Variants in OLFML2B observed in about 807,000 individuals in gnomAD.
OLFML2B encodes olfactomedin-like protein 2B.
Under a neutral mutation model 74.9 loss-of-function variants are expected in OLFML2B, and 57 were observed. The observed-to-expected ratio is 0.76, with a 90% CI of 0.61 to 0.95. The LOEUF (loss-of-function observed/expected upper bound fraction) is 0.95. Ranked by LOEUF, OLFML2B falls within the 40% of genes least tolerant of loss-of-function variation. The pLI is 0.00. For synonymous variants in OLFML2B, 388 were observed against 405.8 expected (o/e 0.96, Z 0.53); for missense variants, 986 against 970.6 (o/e 1.02, Z -0.21).
intron 2 of OLFML2B, among the ~76,000 whole-genome samples, chr1:162,018,073 C>G (rs1334697213): frequency 1.3e-5 from 2 of 152,042 alleles, no homozygotes; most frequent in Non-Finnish European, 2.9e-5. Context: ...TAGGTGGGAG[C>G]TAAACAATGA....
chr1:162,006,250 C>T, intron 4 of OLFML2B, 47 bp downstream of exon 4: 2 of 1,492,846 alleles, frequency 1.3e-6, no homozygotes, highest in Non-Finnish European at 1.8e-6. Flanking sequence ...GCTGATATCA[C>T]ACTTCCAGGG....
At chr1:161,984,358 A>C in intron 7 of OLFML2B, 82 bp from the exon 8 acceptor site, 1 of 1,491,116 alleles carries the variant, frequency 6.7e-7, no homozygotes, top group Non-Finnish European at 8.9e-7. Flanking sequence ...AGTGATGATC[A>C]ACGAGGGGTC....
rs190679009 is a variant in OLFML2B at position 161,983,573 on chromosome 1, A to G, written c.*102T>C. On this transcript the variant is annotated 3_prime_UTR_variant, in exon 8 of 8. Transcript: ENST00000294794. ...TGCAATATTATACAAAATAATATAT[A>G]TTTTTAAACAACACATACCCACCTA... The G allele has an allele frequency of 5.7e-5, 73 of 1,270,304 alleles. No individual in the cohort carries two copies. In the African/African-American group the frequency reaches 8.5e-4, roughly 15 times the overall value. 78.7% of individuals were successfully genotyped at this position (1,270,304 alleles called of 1,614,324 possible). A position where few individuals can be genotyped will look rare whatever the true frequency, so the allele number is the denominator to read the frequency against.
rs745345349 is a variant in OLFML2B at position 161,983,523 on chromosome 1, T to C, written c.*152A>G. ...TTGATCTACAATCCATATAAAAAAA[T>C]AGACCCAAATTGTCATTTTACATTT... is the stretch of plus-strand genomic sequence containing the variant. On this transcript the variant is annotated 3_prime_UTR_variant, in exon 8 of 8. Coordinates refer to ENST00000294794, the MANE Select transcript of OLFML2B (RefSeq NM_015441.3). 29 of 817,246 alleles carry C rather than the reference T, an allele frequency of 3.5e-5. No individual in the cohort carries two copies. The highest frequency in any genetic ancestry group is 6.0e-5 in the Admixed American group (2 of 33,106). 50.6% of individuals were successfully genotyped at this position (817,246 alleles called of 1,614,324 possible).
At chr1:162,001,096 C>T (rs1690069199) in intron 4 of OLFML2B, among the ~76,000 whole-genome samples, 1 of 152,168 alleles carries the variant, frequency 6.6e-6, no homozygotes, top group South Asian at 2.1e-4. Flanking sequence ...GCCATTATAC[C>T]TCCTTCCCCC....
intron 6 of OLFML2B, among the ~76,000 whole-genome samples, chr1:161,989,929 G>C (rs920926288): frequency 1.3e-5 from 2 of 152,198 alleles, no homozygotes; most frequent in Non-Finnish European, 2.9e-5. Context: ...CAGGAAGAAG[G>C]CAGTGGTGTT....
chr1:162,017,867 G>A (rs1407097138), intron 2 of OLFML2B, among the ~76,000 whole-genome samples: 1 of 152,136 alleles, frequency 6.6e-6, no homozygotes, highest in African/African-American at 2.4e-5. Context: ...CAATAGCAAA[G>A]ACATGGAATC....
At position 162,020,237 on chromosome 1, in the gene OLFML2B, C is replaced by T. The variant is rs112976931; in HGVS notation, c.175-55G>A. 7.8e-5 allele frequency: 124 copies of T among 1,592,566 alleles called. 1 individual carries two copies. In the African/African-American group the frequency reaches 1.2e-3, roughly 16 times the overall value. ...TGCAAACACAGGTGTCAGTCAGCCTCCAGAAGGAGGCTCTCCATTTACTTA... is the reference window on the plus strand; with the variant it reads ...TGCAAACACAGGTGTCAGTCAGCCTTCAGAAGGAGGCTCTCCATTTACTTA... On this transcript the variant is annotated intron_variant, in intron 1 of 7. Transcript: ENST00000294794.
At chr1:162,006,191 A>G (rs1357613481) in intron 4 of OLFML2B, 106 bp downstream of exon 4, 4 of 1,072,774 alleles carry the variant, frequency 3.7e-6, no homozygotes, top group Non-Finnish European at 5.2e-6. Context: ...AAGCGAGCTC[A>G]TCTCTGTGAA....
At position 161,983,392 on chromosome 1, in the gene OLFML2B, G is replaced by A. The variant is rs1361734939; in HGVS notation, c.*283C>T. On this transcript the variant is annotated 3_prime_UTR_variant, in exon 8 of 8. Transcript: ENST00000294794. ...TGGTCGAGATCTGAGACTTGGAGCT[G>A]GAGGGGCTGAAGGCTTGAAGGAAGG... 2.7e-5 allele frequency: 7 copies of A among 262,640 alleles called. No individual in the cohort carries two copies. The highest frequency in any genetic ancestry group is 4.9e-5 in the Admixed American group (1 of 20,328). The allele number at this position is 262,640 out of a possible 1,614,324, so 16.3% of individuals were successfully genotyped here.
intron 1 of OLFML2B, among the ~76,000 whole-genome samples, chr1:162,021,975 T>C (rs555554684): frequency 6.6e-6 from 1 of 152,148 alleles, no homozygotes; most frequent in Non-Finnish European, 1.5e-5. Flanking sequence ...GGCTAGTGTT[T>C]GATAAATCCC....
intron 3 of OLFML2B, among the ~76,000 whole-genome samples, chr1:162,007,294 T>G (rs1690262255): frequency 6.6e-6 from 1 of 152,216 alleles, no homozygotes; most frequent in Non-Finnish European, 1.5e-5. Context: ...TGTCAGGTTC[T>G]GTAAATACCA....
chr1:162,003,678 C>A (rs1690141933), intron 4 of OLFML2B, among the ~76,000 whole-genome samples: 1 of 152,192 alleles, frequency 6.6e-6, no homozygotes, highest in Admixed American at 6.5e-5. Flanking sequence ...CCACTCCCAA[C>A]CCAGCCCCCA....
At chr1:161,987,338 T>C (rs904540346) in intron 6 of OLFML2B, among the ~76,000 whole-genome samples, 1 of 151,836 alleles carries the variant, frequency 6.6e-6, no homozygotes, top group Non-Finnish European at 1.5e-5. Context: ...GCAAATGTGA[T>C]TACATAAAAA....
intron 6 of OLFML2B, among the ~76,000 whole-genome samples, chr1:161,986,440 G>A (rs1222465337): frequency 6.6e-6 from 1 of 152,210 alleles, no homozygotes; most frequent in Non-Finnish European, 1.5e-5. Flanking sequence ...GGATGGAAGA[G>A]GCATGAACAC....
chr1:162,002,380 C>A (rs1183934986), intron 4 of OLFML2B, among the ~76,000 whole-genome samples: 1 of 152,172 alleles, frequency 6.6e-6, no homozygotes, highest in Non-Finnish European at 1.5e-5. Flanking sequence ...GTGGAAGCCA[C>A]CCAGAGAGCA....
chr1:162,020,561 C>G lies in OLFML2B; in HGVS notation c.175-379G>C, dbSNP rs951966238. Among the ~76,000 whole-genome samples, 15 of 151,210 alleles carry G rather than the reference C, an allele frequency of 9.9e-5. 1 individual carries two copies. Among genetic ancestry groups the G allele is most frequent in the Admixed American group, 2.0e-4 (3 of 15,172 alleles). Reference sequence around the variant, plus strand: ...TTTTTTTTTGAGACAGAGTCTCACTCTGTTGCCCAGACTGGAGTGCAGTGG... The same window carrying G: ...TTTTTTTTTGAGACAGAGTCTCACTGTGTTGCCCAGACTGGAGTGCAGTGG... On this transcript the variant is annotated intron_variant, in intron 1 of 7. Coordinates refer to ENST00000294794, the MANE Select transcript of OLFML2B (RefSeq NM_015441.3).
At chr1:162,012,343 C>T (rs1347206057) in intron 3 of OLFML2B, among the ~76,000 whole-genome samples, 2 of 152,170 alleles carry the variant, frequency 1.3e-5, no homozygotes, top group East Asian at 3.9e-4. Context: ...GCTGGTGAAA[C>T]GATATATCCC....
rs1328794654 is a variant in OLFML2B at position 161,984,143 on chromosome 1, C to T, written c.1785G>A (p.Val595=). Residue 595 remains valine (V), a synonymous_variant, in exon 8 of 8, where the codon GTG becomes GTA. Coordinates refer to ENST00000294794, the MANE Select transcript of OLFML2B (RefSeq NM_015441.3). ...CGTCATGCAGCATGGCCCAGGCAGC[C>T]ACGTAGCGCTGCTTCAGGTCGTACT... ...IIKYDLKQRY[V]AAWAMLHDVA... The T allele has an allele frequency of 6.2e-7, 1 of 1,610,042 alleles. No homozygotes were observed. The highest frequency in any genetic ancestry group is 8.5e-7 in the Non-Finnish European group (1 of 1,177,898).
Sources: allele counts gnomAD v4.1 joint callset (sites outside exome capture counted in the v4.1 genomes callset), GRCh38; gene constraint gnomAD v4.1.1; transcripts MANE v1.5; gene names NCBI Gene and HGNC (gene_info 2026-07-23, HGNC 2026-07-21).